POT1: variants seen among roughly 807,000 people sequenced by gnomAD.
POT1 encodes the protein protection of telomeres 1, also known as protection of telomeres protein 1.
POT1 carries 47 observed loss-of-function variants against 78.5 expected under a neutral mutation model. That is an observed-to-expected ratio of 0.60 (90% CI 0.47 to 0.76). POT1 has a LOEUF of 0.76. Among genes scored for constraint, POT1 ranks in the 30% least tolerant of loss-of-function variants. The probability of loss-of-function intolerance (pLI) is 0.00; values close to 1 mark genes in which losing one functional copy is unlikely to be tolerated. For missense variants in POT1, 646 were observed against 749.9 expected, an observed-to-expected ratio of 0.86 and a Z score of 1.62; for synonymous variants, 259 against 260.7, an observed-to-expected ratio of 0.99 and a Z score of 0.06.
At chr7:124,877,512 G>A (rs1250575848) in intron 6 of POT1, among the ~76,000 whole-genome samples, 1 of 151,960 alleles carries the variant, frequency 6.6e-6, no homozygotes, top group East Asian at 1.9e-4. Context: ...AGAAGAAAGG[G>A]AGCTGATAAG....
intron 8 of POT1, among the ~76,000 whole-genome samples, chr7:124,861,411 A>T (rs1795593698): frequency 1.3e-5 from 2 of 152,158 alleles, no homozygotes. Context: ...TTCTTTTGAG[A>T]AGTGTCTGTT....
intron 3 of POT1, among the ~76,000 whole-genome samples, chr7:124,903,823 T>C (rs1796686672): frequency 6.6e-6 from 1 of 152,088 alleles, no homozygotes; most frequent in African/African-American, 2.4e-5. Context: ...CAATAAAAAA[T>C]GATAAAGGGG....
chr7:124,830,820 C>A (rs970468548), intron 15 of POT1, among the ~76,000 whole-genome samples: 2 of 151,660 alleles, frequency 1.3e-5, no homozygotes, highest in Non-Finnish European at 2.9e-5. Flanking sequence ...TTTAAAAAAA[C>A]CTATAAAACA....
At chr7:124,878,519 A>G (rs1796043437) in intron 6 of POT1, among the ~76,000 whole-genome samples, 2 of 152,214 alleles carry the variant, frequency 1.3e-5, no homozygotes, top group South Asian at 4.1e-4. Flanking sequence ...GATGTAATGG[A>G]TATGTTAATT....
chr7:124,824,636 A>G (rs1016568264), intron 18 of POT1, among the ~76,000 whole-genome samples: 2 of 152,122 alleles, frequency 1.3e-5, no homozygotes, highest in Non-Finnish European at 2.9e-5. Context: ...AAAATTTCCT[A>G]CGATAAAAAA....
At position 124,847,255 on chromosome 7, in the gene POT1, A is replaced by G. The variant is rs10235657; in HGVS notation, c.950-257T>C. ...CACGCCTATAATCCCAACACTTCGG[A>G]GGACTGAGGTGGGCAGATCACTTGA... On this transcript the variant is annotated intron_variant, in intron 11 of 18. Transcript: ENST00000357628. 0.73 allele frequency among the ~76,000 whole-genome samples: 111,265 copies of G among 151,680 alleles called. 41,344 individuals carry two copies. Among genetic ancestry groups the G allele is most frequent in the African/African-American group, 0.85 (35,195 of 41,374 alleles).
Position 124,848,798 on chromosome 7 carries a change from T to C in POT1, c.950-1800A>G, listed in dbSNP as rs186995994. On this transcript the variant is annotated intron_variant, in intron 11 of 18. Coordinates refer to ENST00000357628, the MANE Select transcript of POT1 (RefSeq NM_015450.3). Reference sequence around the variant, plus strand: ...TTGTACAACTGTTTTAATTCTACCATGTATGAAAGTTTTTATCATGTTGAA... The same window carrying C: ...TTGTACAACTGTTTTAATTCTACCACGTATGAAAGTTTTTATCATGTTGAA... The C allele has an allele frequency of 4.0e-3, 613 of 154,484 alleles. 11 individuals are homozygous for C. The highest frequency in any genetic ancestry group is 0.027 in the Admixed American group (414 of 15,306). 9.6% of individuals were successfully genotyped at this position (154,484 alleles called of 1,614,324 possible). A position where few individuals can be genotyped will look rare whatever the true frequency, so the allele number is the denominator to read the frequency against.
intron 15 of POT1, among the ~76,000 whole-genome samples, chr7:124,834,732 T>A (rs539435731): frequency 3.0e-4 from 46 of 152,280 alleles, no homozygotes; most frequent in Non-Finnish European, 4.4e-4. Context: ...GATCCAGCAA[T>A]CCCATTACTG....
intron 14 of POT1, 123 bp from the exon 15 acceptor site, chr7:124,835,537 T>G: frequency 1.9e-6 from 2 of 1,058,694 alleles, no homozygotes; most frequent in Non-Finnish European, 2.7e-6. Flanking sequence ...AGACAATGAA[T>G]GTATGTAAAA....
chr7:124,823,395 C>A lies in POT1; in HGVS notation c.*567G>T, dbSNP rs1440873126. On this transcript the variant is annotated 3_prime_UTR_variant, in exon 19 of 19. Transcript: ENST00000357628. ...TGAATATTCATGATTTTAAATTTGA[C>A]AAACACTGTCAGGTAAAAATCAAAC... 2.6e-5 allele frequency: 4 copies of A among 151,804 alleles called. No homozygotes were observed. The highest frequency in any genetic ancestry group is 4.4e-5 in the Non-Finnish European group (3 of 67,882). The allele number at this position is 151,804 out of a possible 1,614,324, so 9.4% of individuals were successfully genotyped here. A position where few individuals can be genotyped will look rare whatever the true frequency, so the allele number is the denominator to read the frequency against.
chr7:124,851,994 T>C, intron 10 of POT1, 43 bp from the exon 11 acceptor site: 1 of 1,350,066 alleles, frequency 7.4e-7, no homozygotes, highest in Non-Finnish European at 1.0e-6. Flanking sequence ...TAAAACAAAG[T>C]CAATATAGTA....
At chr7:124,837,830 A>C (rs1794933864) in intron 14 of POT1, among the ~76,000 whole-genome samples, 2 of 152,160 alleles carry the variant, frequency 1.3e-5, no homozygotes, top group South Asian at 4.1e-4. Context: ...AATTGAATCA[A>C]AAAAGAAAAT....
chr7:124,892,892 T>C (rs1200894145), intron 5 of POT1: 2 of 151,484 alleles, frequency 1.3e-5, no homozygotes, highest in South Asian at 2.1e-4. Flanking sequence ...TTTAAATATG[T>C]ACATCTTCAA....
In POT1 at chr7:124,911,411, G is replaced by T. The variant is rs151303839; in HGVS notation, c.-154+4163C>A. On this transcript the variant is annotated intron_variant, in intron 3 of 18. Transcript: ENST00000357628. ...ATGACTGTCAAGAGACTTCTTTGTA[G>T]TATATTTGTCTCTAGAATTTTTGTG... Among the ~76,000 whole-genome samples the T allele has an allele frequency of 2.5e-3, 377 of 152,128 alleles. 1 individual carries two copies. Among genetic ancestry groups the T allele is most frequent in the African/African-American group, 8.9e-3 (368 of 41,524 alleles).
At chr7:124,848,969 A>T (rs1211314243) in intron 11 of POT1, among the ~76,000 whole-genome samples, 1 of 152,202 alleles carries the variant, frequency 6.6e-6, no homozygotes, top group African/African-American at 2.4e-5. Context: ...AGGTTACAAA[A>T]TGCTTTCTAA....
chr7:124,912,246 G>C (rs1003400919), intron 3 of POT1, among the ~76,000 whole-genome samples: 6 of 150,864 alleles, frequency 4.0e-5, no homozygotes, highest in Non-Finnish European at 7.4e-5. Flanking sequence ...TTTAAAATTG[G>C]GGGAAAAAAA....
At chr7:124,865,965 T>C (rs571017207) in intron 7 of POT1, among the ~76,000 whole-genome samples, 1 of 152,280 alleles carries the variant, frequency 6.6e-6, no homozygotes, top group East Asian at 1.9e-4. Flanking sequence ...TTTGTTGTTT[T>C]CATGTAGAAT....
intron 2 of POT1, among the ~76,000 whole-genome samples, chr7:124,924,730 T>C (rs1443870754): frequency 6.6e-6 from 1 of 151,978 alleles, no homozygotes; most frequent in Non-Finnish European, 1.5e-5. Flanking sequence ...ACTAGCAAAT[T>C]GAATCCAACA....
intron 6 of POT1, among the ~76,000 whole-genome samples, chr7:124,877,449 C>A (rs1241578122): frequency 6.6e-6 from 1 of 151,654 alleles, no homozygotes; most frequent in Non-Finnish European, 1.5e-5. Context: ...AATGGATCTC[C>A]CAGATAGATA....
Sources: gnomAD v4.1 joint callset for allele counts (sites outside exome capture counted in the v4.1 genomes callset) on GRCh38, gnomAD v4.1.1 for gene constraint, MANE v1.5 for transcripts, NCBI Gene and HGNC (gene_info 2026-07-23, HGNC 2026-07-21) for gene names.